Variants in ZEB1 observed in about 807,000 individuals in gnomAD.
The protein encoded by ZEB1 is zinc finger E-box-binding homeobox 1.
In ZEB1, 21 loss-of-function variants were observed where a neutral mutation model predicts 84.9. The observed-to-expected ratio is 0.25, with a 90% CI of 0.18 to 0.36. The LOEUF is 0.36. Ranked by LOEUF, ZEB1 falls within the 10% of genes least tolerant of loss-of-function variation. The probability of loss-of-function intolerance (pLI) is 1.00; values close to 1 mark genes in which losing one functional copy is unlikely to be tolerated. For missense variants in ZEB1, 1,104 were observed against 1,330.2 expected, an observed-to-expected ratio of 0.83 and a Z score of 2.65; for synonymous variants, 420 against 471.1, an observed-to-expected ratio of 0.89 and a Z score of 1.41.
intron 1 of ZEB1, among the ~76,000 whole-genome samples, chr10:31,401,727 T>A (rs2052049414): frequency 6.6e-6 from 1 of 152,206 alleles, no homozygotes; most frequent in Non-Finnish European, 1.5e-5. Context: ...CCCATCAATT[T>A]TACTGCAATT....
chr10:31,403,175 A>T (rs1017086995), intron 1 of ZEB1, among the ~76,000 whole-genome samples: 8 of 152,040 alleles, frequency 5.3e-5, no homozygotes, highest in African/African-American at 9.7e-5. Flanking sequence ...TTTATTTTGG[A>T]GGATGATTTT....
At chr10:31,465,202 A>C (rs569276214) in intron 2 of ZEB1, among the ~76,000 whole-genome samples, 2 of 152,274 alleles carry the variant, frequency 1.3e-5, no homozygotes, top group East Asian at 3.8e-4. Flanking sequence ...ATAAAAATAA[A>C]AAACAAGGTA....
chr10:31,495,158 C>T (rs1294918786), intron 2 of ZEB1, among the ~76,000 whole-genome samples: 1 of 151,880 alleles, frequency 6.6e-6, no homozygotes, highest in East Asian at 1.9e-4. Context: ...TGTCTTTGGG[C>T]AAGTTATTTA....
intron 1 of ZEB1, among the ~76,000 whole-genome samples, chr10:31,390,674 C>T (rs889163064): frequency 6.6e-6 from 1 of 152,104 alleles, no homozygotes; most frequent in Non-Finnish European, 1.5e-5. Flanking sequence ...TTGCATCTGT[C>T]ACATAAACCT....
chr10:31,478,071 A>G (rs1205951023), intron 2 of ZEB1, among the ~76,000 whole-genome samples: 1 of 152,072 alleles, frequency 6.6e-6, no homozygotes, highest in Non-Finnish European at 1.5e-5. Context: ...GTAAGCAGAC[A>G]ACCTACAGAA....
rs1488044449 is a variant in ZEB1 at position 31,388,132 on chromosome 10, G to A, written c.58+68840G>A. 2.0e-5 allele frequency among the ~76,000 whole-genome samples: 3 copies of A among 152,180 alleles called. No homozygotes were observed. The East Asian group carries it at 5.8e-4, about 29-fold the overall frequency. On this transcript the variant is annotated intron_variant, in intron 1 of 8. Transcript: ENST00000424869. The stretch of plus-strand genomic sequence containing the variant: ...AGAAGAGCAGAAGCATGCTGATTTC[G>A]AAAATGTCATTAATATTAGGATTAG...
At chr10:31,482,741 G>A (rs986527220) in intron 2 of ZEB1, among the ~76,000 whole-genome samples, 1 of 151,884 alleles carries the variant, frequency 6.6e-6, no homozygotes, top group Non-Finnish European at 1.5e-5. Flanking sequence ...GGCTTTGTTA[G>A]TATGTATTAC....
At chr10:31,488,724 AT>A (rs1244620598) in intron 2 of ZEB1, among the ~76,000 whole-genome samples, 5 of 150,498 alleles carry the variant, frequency 3.3e-5, no homozygotes, top group Admixed American at 1.3e-4. Flanking sequence ...GATGTTTTTT[AT>A]TTCCCTTTTT....
chr10:31,469,851 C>T (rs948947410), intron 2 of ZEB1, among the ~76,000 whole-genome samples: 10 of 152,230 alleles, frequency 6.6e-5, no homozygotes, highest in South Asian at 4.1e-4. Flanking sequence ...TCTCCCAGTA[C>T]GCAGCTGGAG....
intron 1 of ZEB1, among the ~76,000 whole-genome samples, chr10:31,422,727 A>G (rs972154090): frequency 2.0e-5 from 3 of 152,012 alleles, no homozygotes; most frequent in African/African-American, 7.2e-5. Context: ...ATGTGGATAT[A>G]TTGTGTGATG....
intron 1 of ZEB1, among the ~76,000 whole-genome samples, chr10:31,344,545 C>A (rs10826938): frequency 0.25 from 37,280 of 151,942 alleles, 10,052 homozygotes; most frequent in African/African-American, 0.68. Flanking sequence ...TTCAATTTCC[C>A]CAGCAGAAAC....
At chr10:31,342,697 T>G (rs1191807807) in intron 1 of ZEB1, among the ~76,000 whole-genome samples, 3 of 152,180 alleles carry the variant, frequency 2.0e-5, no homozygotes, top group Admixed American at 1.3e-4. Flanking sequence ...CTTTCTTATT[T>G]CAATTCTAGC....
chr10:31,446,663 G>A (rs141027116), intron 1 of ZEB1, among the ~76,000 whole-genome samples: 3,245 of 152,092 alleles, frequency 0.021, 36 homozygotes, highest in Non-Finnish European at 0.034. Flanking sequence ...CCTTCATTTC[G>A]TTAGGTACCC....
chr10:31,331,439 G>GA (rs1802568706), intron 1 of ZEB1, among the ~76,000 whole-genome samples: 1 of 152,124 alleles, frequency 6.6e-6, no homozygotes, highest in African/African-American at 2.4e-5. Context: ...CTGAAATTGA[G>GA]AAAATAATTC....
At chr10:31,370,703 G>A (rs1036403835) in intron 1 of ZEB1, among the ~76,000 whole-genome samples, 3 of 152,148 alleles carry the variant, frequency 2.0e-5, no homozygotes, top group African/African-American at 7.2e-5. Context: ...TAATAAAATT[G>A]TATCTCTTTC....
chr10:31,367,965 A>G (rs1219039503), intron 1 of ZEB1, among the ~76,000 whole-genome samples: 1 of 151,932 alleles, frequency 6.6e-6, no homozygotes. Context: ...ATATATATAT[A>G]TATACACACA....
At chr10:31,384,573 T>G (rs954173402) in intron 1 of ZEB1, among the ~76,000 whole-genome samples, 5 of 152,194 alleles carry the variant, frequency 3.3e-5, no homozygotes, top group Non-Finnish European at 4.4e-5. Flanking sequence ...GTGAGAAACA[T>G]TGGCCAGCAT....
At chr10:31,517,501 A>T (rs1592057458) in intron 6 of ZEB1, among the ~76,000 whole-genome samples, 1 of 104,856 alleles carries the variant, frequency 9.5e-6, no homozygotes, top group Non-Finnish European at 1.6e-5. Flanking sequence ...CTTAGCCATT[A>T]AAAAAAAAAA....
rs115468091 is a variant in ZEB1, at chr10:31,452,842, G to A, written c.59-8195G>A. Among the ~76,000 whole-genome samples the A allele has an allele frequency of 6.1e-3, 928 of 151,082 alleles. 11 individuals are homozygous for A. Among genetic ancestry groups the A allele is most frequent in the African/African-American group, 0.021 (871 of 41,136 alleles). ...GAAACACTTGGTCAGTGTTTCCACC[G>A]ATCTTTGCATCACTCAGCATTCATG... is the stretch of plus-strand genomic sequence containing the variant. On this transcript the variant is annotated intron_variant, in intron 1 of 8. Transcript: ENST00000424869.
Sources: allele counts gnomAD v4.1 joint callset (sites outside exome capture counted in the v4.1 genomes callset), GRCh38; gene constraint gnomAD v4.1.1; transcripts MANE v1.5; gene names NCBI Gene and HGNC (gene_info 2026-07-23, HGNC 2026-07-21).